The following IL1RAPL2 variants were observed in gnomAD, a reference collection of about 807,000 sequenced individuals.
The protein encoded by IL1RAPL2 is interleukin 1 receptor accessory protein like 2, also known as X-linked interleukin-1 receptor accessory protein-like 2.
A neutral mutation model predicts 44.1 loss-of-function variants in IL1RAPL2; 3 were observed. That is an observed-to-expected ratio of 0.07 (90% CI 0.03 to 0.18). The LOEUF (loss-of-function observed/expected upper bound fraction) is 0.18. IL1RAPL2 is among the 10% of genes least tolerant of loss of function. The probability of loss-of-function intolerance (pLI) is 1.00; values close to 1 mark genes in which losing one functional copy is unlikely to be tolerated. For synonymous variants in IL1RAPL2, 181 were observed against 178.8 expected (o/e 1.01, Z -0.10); for missense variants, 391 against 496.4 (o/e 0.79, Z 2.02).
At chrX:104,997,290 T>C (rs1243300372) in intron 2 of IL1RAPL2, among the ~76,000 whole-genome samples, 1 of 112,057 alleles carries the variant, frequency 8.9e-6, no homozygotes, top group Non-Finnish European at 1.9e-5. Context: ...AATGACAATA[T>C]TTTGGATATA....
chrX:105,045,060 AGAG>A (rs979058839), intron 2 of IL1RAPL2, among the ~76,000 whole-genome samples: 1 of 111,282 alleles, frequency 9.0e-6, no homozygotes, highest in African/African-American at 3.3e-5. Flanking sequence ...ATGTGTAGTT[AGAG>A]GAGGTTTTCA....
intron 2 of IL1RAPL2, among the ~76,000 whole-genome samples, chrX:105,063,450 C>T (rs755793094): frequency 1.8e-5 from 2 of 111,663 alleles, no homozygotes; most frequent in Non-Finnish European, 3.8e-5. Context: ...TCATATTTTC[C>T]TGGATGATCT....
intron 6 of IL1RAPL2, among the ~76,000 whole-genome samples, chrX:105,588,092 GTTATAC>G (rs1380771253): frequency 9.0e-6 from 1 of 110,899 alleles, no homozygotes; most frequent in Non-Finnish European, 1.9e-5. Context: ...TATGGATGAT[GTTATAC>G]TTATTTATTT....
chrX:105,632,117 G>A (rs763584387), intron 6 of IL1RAPL2, among the ~76,000 whole-genome samples: 53 of 108,469 alleles, frequency 4.9e-4, no homozygotes, highest in Non-Finnish European at 9.0e-4. Context: ...GGCTTAACTC[G>A]GCTGACAGCC....
chrX:104,915,240 T>A (rs1481816816), intron 2 of IL1RAPL2, among the ~76,000 whole-genome samples: 3 of 111,090 alleles, frequency 2.7e-5, no homozygotes, highest in African/African-American at 9.8e-5. Context: ...GTTTCCTGAC[T>A]TTTTAATGAT....
intron 5 of IL1RAPL2, among the ~76,000 whole-genome samples, chrX:105,395,636 G>GA (rs2035556677): frequency 1.8e-5 from 2 of 110,961 alleles, no homozygotes; most frequent in African/African-American, 6.5e-5. Context: ...GATGTGGTTT[G>GA]AAAAAAATCT....
chrX:105,763,713 C>T (rs1233497327), intron 10 of IL1RAPL2, among the ~76,000 whole-genome samples: 1 of 110,865 alleles, frequency 9.0e-6, no homozygotes, highest in Non-Finnish European at 1.9e-5. Context: ...AGCTAGGGCA[C>T]AGTCTCGCCT....
At chrX:105,119,918 T>C (rs956143028) in intron 2 of IL1RAPL2, among the ~76,000 whole-genome samples, 1 of 110,601 alleles carries the variant, frequency 9.0e-6, no homozygotes, top group Non-Finnish European at 1.9e-5. Context: ...TATGGAACTC[T>C]TTGTAAGCTT....
chrX:104,951,006 C>T (rs768146806), intron 2 of IL1RAPL2, among the ~76,000 whole-genome samples: 1 of 112,202 alleles, frequency 8.9e-6, no homozygotes, highest in Non-Finnish European at 1.9e-5. Context: ...TTGCGCTTCC[C>T]GAGTGAGGCA....
At chrX:105,196,212 G>A (rs1380171234) in intron 3 of IL1RAPL2, among the ~76,000 whole-genome samples, 16 of 110,895 alleles carry the variant, frequency 1.4e-4, no homozygotes, top group African/African-American at 5.3e-4. Context: ...AACCTGGGAG[G>A]CAGAGGTTGC....
At chrX:104,578,933 T>A (rs1274425622) in intron 1 of IL1RAPL2, among the ~76,000 whole-genome samples, 1 of 111,891 alleles carries the variant, frequency 8.9e-6, no homozygotes, top group African/African-American at 3.2e-5. Flanking sequence ...ATCACATAGC[T>A]ATATTTGAAT....
intron 5 of IL1RAPL2, among the ~76,000 whole-genome samples, chrX:105,393,271 C>T (rs913514972): frequency 9.1e-5 from 10 of 109,882 alleles, no homozygotes; most frequent in African/African-American, 3.0e-4. Context: ...GGGTGGGAGG[C>T]CACAAAAACA....
intron 2 of IL1RAPL2, among the ~76,000 whole-genome samples, chrX:105,186,597 G>A (rs904050356): frequency 4.5e-5 from 5 of 111,895 alleles, no homozygotes; most frequent in Non-Finnish European, 9.4e-5. Flanking sequence ...TTGAAAGGGT[G>A]TGGGTGGTAG....
intron 2 of IL1RAPL2, among the ~76,000 whole-genome samples, chrX:105,186,445 A>T: frequency 8.9e-6 from 1 of 111,762 alleles, no homozygotes; most frequent in Non-Finnish European, 1.9e-5. Flanking sequence ...GACAGGAAAG[A>T]GCTGGCTGAG....
At chrX:105,282,778 T>C (rs748093467) in intron 5 of IL1RAPL2, among the ~76,000 whole-genome samples, 1 of 111,828 alleles carries the variant, frequency 8.9e-6, no homozygotes, top group Admixed American at 9.5e-5. Flanking sequence ...AGCTACTGGG[T>C]CAGTACCCTA....
At chrX:105,447,110 A>AT (rs2035964267) in intron 5 of IL1RAPL2, among the ~76,000 whole-genome samples, 1,128 of 27,843 alleles carry the variant, frequency 0.041, 31 homozygotes, top group Non-Finnish European at 0.059. Context: ...TATATATAAA[A>AT]ATATATATAA....
At chrX:105,705,373 C>T (rs749130481) in intron 6 of IL1RAPL2, among the ~76,000 whole-genome samples, 10 of 111,342 alleles carry the variant, frequency 9.0e-5, no homozygotes, top group Non-Finnish European at 1.9e-4. Flanking sequence ...GAAAACTAAA[C>T]TGTGAGTGTC....
intron 3 of IL1RAPL2, among the ~76,000 whole-genome samples, chrX:105,220,937 C>A (rs1000873786): frequency 8.9e-6 from 1 of 111,999 alleles, no homozygotes; most frequent in Non-Finnish European, 1.9e-5. Flanking sequence ...TCCCTCTTGA[C>A]AATGGTTTGT....
At chrX:105,389,746 G>A (rs2035507384) in intron 5 of IL1RAPL2, among the ~76,000 whole-genome samples, 1 of 111,348 alleles carries the variant, frequency 9.0e-6, no homozygotes, top group South Asian at 3.8e-4. Context: ...TAAGTAGGGT[G>A]CTTATATAAT....
Sources: allele counts gnomAD v4.1 joint callset (sites outside exome capture counted in the v4.1 genomes callset), GRCh38; gene constraint gnomAD v4.1.1; transcripts MANE v1.5; gene names NCBI Gene and HGNC (gene_info 2026-07-23, HGNC 2026-07-21).